TNRC6A: variants seen among roughly 807,000 people sequenced by gnomAD.
TNRC6A encodes the protein trinucleotide repeat-containing gene 6A protein.
Under a neutral mutation model 221.2 loss-of-function variants are expected in TNRC6A, and 44 were observed. The observed-to-expected ratio is 0.20, with a 90% CI of 0.16 to 0.26. The LOEUF (loss-of-function observed/expected upper bound fraction) is 0.26. Among genes scored for constraint, TNRC6A ranks in the 10% least tolerant of loss-of-function variants. TNRC6A has a pLI of 1.00. For synonymous variants in TNRC6A, 847 were observed against 838.5 expected (o/e 1.01, Z -0.18); for missense variants, 2,199 against 2,404.4 (o/e 0.91, Z 1.79).
At chr16:24,664,405 T>C (rs1319280933) in intron 2 of TNRC6A, among the ~76,000 whole-genome samples, 2 of 145,728 alleles carry the variant, frequency 1.4e-5, no homozygotes, top group African/African-American at 2.5e-5. Context: ...ATATTATAAA[T>C]TTATTAAATT....
chr16:24,819,836 T>C, intron 21 of TNRC6A: 1 of 330,956 alleles, frequency 3.0e-6, no homozygotes, highest in South Asian at 5.3e-5. Context: ...ATTTCACAAT[T>C]GCTATTTTAG....
chr16:24,666,302 A>G (rs569269371), intron 2 of TNRC6A, among the ~76,000 whole-genome samples: 1 of 151,916 alleles, frequency 6.6e-6, no homozygotes, highest in African/African-American at 2.4e-5. Context: ...CCCCATCTCT[A>G]CTAAAAATAC....
chr16:24,778,572 G>T lies in TNRC6A; in HGVS notation c.589+1214G>T. On this transcript the variant is annotated intron_variant, in intron 5 of 24. Transcript: ENST00000395799. ...CTAATTTCCCAGCACCTTATTACCT[G>T]TGTGAGCTTGGCCATAACACATCTG... The T allele has an allele frequency of 3.5e-6, 3 of 866,426 alleles. No individual in the cohort carries two copies. In the East Asian group the frequency reaches 3.6e-4, roughly 104 times the overall value. 53.7% of individuals were successfully genotyped at this position (866,426 alleles called of 1,614,324 possible).
chr16:24,698,940 C>A (rs2142194112), intron 2 of TNRC6A, among the ~76,000 whole-genome samples: 1 of 152,276 alleles, frequency 6.6e-6, no homozygotes, highest in Admixed American at 6.5e-5. Context: ...GAACTCCCAA[C>A]CTCAGAGATC....
At chr16:24,687,959 T>TTTTCTTTTCTTTTCTTTTC (rs1567357473) in intron 2 of TNRC6A, among the ~76,000 whole-genome samples, 3 of 87,960 alleles carry the variant, frequency 3.4e-5, no homozygotes, top group Admixed American at 3.1e-4. Flanking sequence ...CTTTTCTTTT[T>TTTTCTTTTCTTTTCTTTTC]TTTTTTTTTG....
rs768182632 is a variant in TNRC6A, at chr16:24,791,605, A to G, written c.2963A>G (p.Glu988Gly). 1 of 1,604,120 alleles carries G rather than the reference A, an allele frequency of 6.2e-7. No homozygotes were observed. The highest frequency in any genetic ancestry group is 8.5e-7 in the Non-Finnish European group (1 of 1,175,808). Residue 988 changes from glutamate (E) to glycine (G), a missense_variant, in exon 6 of 25, where the codon GAG (glutamate) becomes GGG (glycine). Glu to Gly is a moderately conservative substitution (Grantham distance 98). Transcript: ENST00000395799. ...AAAGAAGAAGAACCCACAGGCTGGG[A>G]GGAACCATCCCCAGAATCTATACGT... ...PAKEEEPTGW[E>G]EPSPESIRRK...
At chr16:24,757,921 A>G (rs1478152060) in intron 3 of TNRC6A, among the ~76,000 whole-genome samples, 2 of 152,228 alleles carry the variant, frequency 1.3e-5, no homozygotes, top group Non-Finnish European at 2.9e-5. Flanking sequence ...AGAAAACCTA[A>G]TTCGTCTTTT....
chr16:24,693,694 G>A (rs968455583), intron 2 of TNRC6A, among the ~76,000 whole-genome samples: 4 of 152,112 alleles, frequency 2.6e-5, no homozygotes, highest in Non-Finnish European at 4.4e-5. Flanking sequence ...GAGCCCAGGA[G>A]GTCAAGACAA....
chr16:24,655,263 C>T (rs549911164), intron 2 of TNRC6A, among the ~76,000 whole-genome samples: 7 of 151,640 alleles, frequency 4.6e-5, no homozygotes, highest in Non-Finnish European at 7.4e-5. Context: ...ATTTGAAAGG[C>T]GGGGGGGAAC....
At chr16:24,783,343 G>T (rs1400881568) in intron 5 of TNRC6A, among the ~76,000 whole-genome samples, 1 of 152,064 alleles carries the variant, frequency 6.6e-6, no homozygotes. Context: ...TGGCCAGGCT[G>T]GTCTCGAACT....
chr16:24,735,059 A>G (rs1187089952), intron 2 of TNRC6A, among the ~76,000 whole-genome samples: 1 of 152,160 alleles, frequency 6.6e-6, no homozygotes, highest in Non-Finnish European at 1.5e-5. Flanking sequence ...AGGCACGTGG[A>G]TCATTTGAGG....
intron 2 of TNRC6A, among the ~76,000 whole-genome samples, chr16:24,686,994 T>G (rs2142094064): frequency 6.6e-6 from 1 of 152,316 alleles, no homozygotes; most frequent in African/African-American, 2.4e-5. Flanking sequence ...GGCAAGTTAC[T>G]TATCCTGTCT....
At chr16:24,658,861 A>G (rs2054971578) in intron 2 of TNRC6A, among the ~76,000 whole-genome samples, 2 of 149,874 alleles carry the variant, frequency 1.3e-5, no homozygotes, top group African/African-American at 4.9e-5. Flanking sequence ...CTCAGGCTGG[A>G]GTGCAGTGCA....
intron 2 of TNRC6A, among the ~76,000 whole-genome samples, chr16:24,654,981 G>A (rs778129278): frequency 2.0e-5 from 3 of 152,204 alleles, no homozygotes; most frequent in Admixed American, 6.5e-5. Context: ...AGTGTCTCAC[G>A]CTTGTAATCC....
At chr16:24,822,320 C>T (rs938703176) in intron 23 of TNRC6A, among the ~76,000 whole-genome samples, 173 bp downstream of exon 23, 4 of 152,178 alleles carry the variant, frequency 2.6e-5, no homozygotes, top group Admixed American at 6.5e-5. Flanking sequence ...TGGTGGTTCA[C>T]GCTGTAATGT....
Position 24,815,222 on chromosome 16 carries a change from C to T in TNRC6A, c.4748C>T (p.Pro1583Leu). ...PYDFMNSSTS[P>L]ASPPGSIGDG... ...GACTTTATGAACAGCAGTACTTCAC[C>T]AGCCAGTCCTCCAGGTTCAATAGGA... The change falls in exon 19 of 25, where the codon CCA (proline) becomes CTA (leucine). Residue 1583 changes from proline (P) to leucine (L), a missense_variant. This residue lies in a region of TNRC6A where 449 missense variants were observed against 579.7 expected (regional missense o/e 0.77). Transcript: ENST00000395799. 6.2e-7 allele frequency: 1 copy of T among 1,614,212 alleles called. No homozygotes were observed. The highest frequency in any genetic ancestry group is 8.5e-7 in the Non-Finnish European group (1 of 1,180,028).
At chr16:24,715,287 A>G (rs913322703) in intron 2 of TNRC6A, among the ~76,000 whole-genome samples, 1 of 151,518 alleles carries the variant, frequency 6.6e-6, no homozygotes, top group African/African-American at 2.4e-5. Flanking sequence ...ATTGTCCAGG[A>G]TGGTCTTGAA....
At chr16:24,687,816 G>GGAA (rs1287801077) in intron 2 of TNRC6A, among the ~76,000 whole-genome samples, 3 of 81,226 alleles carry the variant, frequency 3.7e-5, no homozygotes, top group African/African-American at 1.1e-4. Flanking sequence ...GAGAGGAAGA[G>GGAA]GAAGAGGAAG....
At chr16:24,635,165 C>T (rs1901572601) in intron 1 of TNRC6A, among the ~76,000 whole-genome samples, 1 of 144,140 alleles carries the variant, frequency 6.9e-6, no homozygotes, top group African/African-American at 2.6e-5. Context: ...TTCCTTCCTT[C>T]CTTCCTTCCT....
Sources: allele counts gnomAD v4.1 joint callset (sites outside exome capture counted in the v4.1 genomes callset), GRCh38; gene constraint gnomAD v4.1.1; regional missense constraint gnomAD v4.1.1; transcripts MANE v1.5; gene names NCBI Gene and HGNC (gene_info 2026-07-23, HGNC 2026-07-21).